Variants in IRAK2 observed in about 807,000 individuals in gnomAD.
IRAK2 encodes the protein interleukin 1 receptor associated kinase 2, also known as interleukin-1 receptor-associated kinase-like 2.
IRAK2 carries 57 observed loss-of-function variants against 72.0 expected under a neutral mutation model. The ratio of observed to expected loss-of-function variants is 0.79; its 90% CI spans 0.64 to 0.99. The LOEUF (loss-of-function observed/expected upper bound fraction) is 0.99. IRAK2 is among the 50% of genes least tolerant of loss of function. The pLI is 0.00. For missense variants in IRAK2, 790 were observed against 794.4 expected, an observed-to-expected ratio of 0.99 and a Z score of 0.07; for synonymous variants, 293 against 312.7, an observed-to-expected ratio of 0.94 and a Z score of 0.67.
intron 3 of IRAK2, among the ~76,000 whole-genome samples, chr3:10,204,585 C>G (rs996336540): frequency 6.6e-6 from 1 of 152,072 alleles, no homozygotes; most frequent in African/African-American, 2.4e-5. Flanking sequence ...CTCATCTCTA[C>G]TAAAAATATA....
chr3:10,220,331 A>C (rs1402317709), intron 8 of IRAK2, among the ~76,000 whole-genome samples: 1 of 152,206 alleles, frequency 6.6e-6, no homozygotes, highest in Non-Finnish European at 1.5e-5. Context: ...AGGGATTCCG[A>C]AGATACCAGA....
At chr3:10,221,762 G>C (rs1455705455) in intron 8 of IRAK2, among the ~76,000 whole-genome samples, 1 of 152,084 alleles carries the variant, frequency 6.6e-6, no homozygotes, top group Non-Finnish European at 1.5e-5. Flanking sequence ...CCTGGGCTCA[G>C]GTGATCCTCC....
At chr3:10,236,161 C>T (rs183458378) in intron 11 of IRAK2, among the ~76,000 whole-genome samples, 1 of 152,110 alleles carries the variant, frequency 6.6e-6, no homozygotes, top group East Asian at 1.9e-4. Context: ...GCAGAAGGAA[C>T]ACCCTGCAAA....
intron 2 of IRAK2, among the ~76,000 whole-genome samples, chr3:10,184,670 C>G (rs987769460): frequency 6.7e-6 from 1 of 150,118 alleles, no homozygotes; most frequent in African/African-American, 2.5e-5. Flanking sequence ...ACAAATCTGG[C>G]AGAGGAGCAA....
At chr3:10,165,512 T>TA (rs1696669398) in intron 1 of IRAK2, among the ~76,000 whole-genome samples, 1 of 151,958 alleles carries the variant, frequency 6.6e-6, no homozygotes, top group African/African-American at 2.4e-5. Context: ...ATATATATAT[T>TA]GAAACGGAGT....
chr3:10,231,080 G>A (rs572607523), intron 10 of IRAK2, among the ~76,000 whole-genome samples: 1 of 152,268 alleles, frequency 6.6e-6, no homozygotes, highest in African/African-American at 2.4e-5. Context: ...TATTTGTAGA[G>A]ATGGGGTCTT....
intron 4 of IRAK2, among the ~76,000 whole-genome samples, chr3:10,212,265 T>G (rs1225490394): frequency 6.6e-6 from 1 of 152,166 alleles, no homozygotes. Context: ...CAACACAAAT[T>G]TGTAAAGTTT....
intron 9 of IRAK2, among the ~76,000 whole-genome samples, chr3:10,223,726 G>A (rs1180782831): frequency 6.6e-6 from 1 of 152,234 alleles, no homozygotes; most frequent in Non-Finnish European, 1.5e-5. Flanking sequence ...AGTGTTCCAT[G>A]GAACCCAGTC....
chr3:10,177,395 C>T (rs1435352428), intron 1 of IRAK2, among the ~76,000 whole-genome samples: 1 of 152,176 alleles, frequency 6.6e-6, no homozygotes, highest in Non-Finnish European at 1.5e-5. Flanking sequence ...TCACCTGACT[C>T]ACCCTCATCC....
At chr3:10,241,018 C>T (rs1335732411) in intron 12 of IRAK2, among the ~76,000 whole-genome samples, 2 of 151,838 alleles carry the variant, frequency 1.3e-5, no homozygotes, top group Non-Finnish European at 2.9e-5. Flanking sequence ...ACTCCACCCT[C>T]CCACCCCTCA....
At chr3:10,176,450 G>C (rs901430414) in intron 1 of IRAK2, among the ~76,000 whole-genome samples, 2 of 151,468 alleles carry the variant, frequency 1.3e-5, no homozygotes, top group African/African-American at 4.9e-5. Flanking sequence ...ACAGATGCAT[G>C]CCACCATGCC....
chr3:10,241,846 G>C (rs1280825293), intron 12 of IRAK2, among the ~76,000 whole-genome samples: 1 of 146,638 alleles, frequency 6.8e-6, no homozygotes, highest in African/African-American at 2.5e-5. Flanking sequence ...GGTTGTGCAC[G>C]CCTGTAGTCC....
chr3:10,225,662 A>C (rs753895619), intron 9 of IRAK2, among the ~76,000 whole-genome samples: 1 of 151,806 alleles, frequency 6.6e-6, no homozygotes. Flanking sequence ...TGAGATTCAC[A>C]GAGCAATGCC....
chr3:10,171,111 G>A (rs550021231), intron 1 of IRAK2, among the ~76,000 whole-genome samples: 2 of 152,326 alleles, frequency 1.3e-5, no homozygotes, highest in South Asian at 4.1e-4. Context: ...TCTCCGTGAT[G>A]GCAGCTGCCT....
chr3:10,233,154 A>G (rs1313533626), intron 10 of IRAK2, among the ~76,000 whole-genome samples: 1 of 152,016 alleles, frequency 6.6e-6, no homozygotes, highest in Non-Finnish European at 1.5e-5. Context: ...AGTTCAAGCA[A>G]TTCTCCTACC....
intron 2 of IRAK2, among the ~76,000 whole-genome samples, chr3:10,184,366 C>T (rs1188669494): frequency 6.6e-6 from 1 of 152,202 alleles, no homozygotes; most frequent in East Asian, 1.9e-4. Flanking sequence ...TTTGGCCACC[C>T]AGATATCTGT....
chr3:10,181,692 ACT>A (rs894421406), intron 2 of IRAK2, among the ~76,000 whole-genome samples: 9 of 152,222 alleles, frequency 5.9e-5, no homozygotes, highest in Admixed American at 2.0e-4. Flanking sequence ...GTCACGGAAG[ACT>A]CTACAAAAAC....
chr3:10,196,651 G>A (rs1025407513), intron 2 of IRAK2, among the ~76,000 whole-genome samples: 3 of 152,218 alleles, frequency 2.0e-5, no homozygotes, highest in Non-Finnish European at 2.9e-5. Context: ...TGTTCTCTGG[G>A]TGCCCTTACG....
chr3:10,195,062 C>T (rs1431418121), intron 2 of IRAK2, among the ~76,000 whole-genome samples: 8 of 152,134 alleles, frequency 5.3e-5, no homozygotes, highest in East Asian at 1.9e-4. Flanking sequence ...GTGGGGCCAC[C>T]GCATGTCACT....
Sources: gnomAD v4.1 joint callset for allele counts (sites outside exome capture counted in the v4.1 genomes callset) on GRCh38, gnomAD v4.1.1 for gene constraint, MANE v1.5 for transcripts, NCBI Gene and HGNC (gene_info 2026-07-23, HGNC 2026-07-21) for gene names.